XPNPEP3: variants seen among roughly 807,000 people sequenced by gnomAD.
The protein encoded by XPNPEP3 is xaa-Pro aminopeptidase 3.
In XPNPEP3, 41 loss-of-function variants were observed where a neutral mutation model predicts 60.0. The ratio of observed to expected loss-of-function variants is 0.68; its 90% CI spans 0.53 to 0.89. XPNPEP3 has a LOEUF of 0.89. Ranked by LOEUF, XPNPEP3 falls within the 40% of genes least tolerant of loss-of-function variation. XPNPEP3 has a pLI of 0.00. For synonymous variants in XPNPEP3, 212 were observed against 223.2 expected (o/e 0.95, Z 0.45); for missense variants, 598 against 638.9 (o/e 0.94, Z 0.69).
intron 4 of XPNPEP3, among the ~76,000 whole-genome samples, 179 bp from the exon 5 acceptor site, chr22:40,907,408 G>A (rs2058160473): frequency 2.0e-5 from 3 of 151,764 alleles, no homozygotes; most frequent in African/African-American, 4.8e-5. Context: ...GCAACAGAGC[G>A]AGACTCCGTC....
At chr22:40,874,915 C>T (rs984880258) in intron 2 of XPNPEP3, among the ~76,000 whole-genome samples, 1 of 152,190 alleles carries the variant, frequency 6.6e-6, no homozygotes, top group Non-Finnish European at 1.5e-5. Context: ...CCCAGTCACT[C>T]AGTCCTTAAA....
At chr22:40,897,129 G>A (rs1019149948) in intron 4 of XPNPEP3, among the ~76,000 whole-genome samples, 5 of 145,850 alleles carry the variant, frequency 3.4e-5, no homozygotes, top group African/African-American at 7.5e-5. Flanking sequence ...CCGGGTTCAC[G>A]CCATTCTCCT....
Position 40,928,837 on chromosome 22 carries a change from C to T in XPNPEP3, c.*2402C>T, listed in dbSNP as rs1463169141. On this transcript the variant is annotated 3_prime_UTR_variant, in exon 10 of 10. Transcript: ENST00000357137. ...CCCAGGGTACAGAGTGAAAAGCAGA[C>T]AGGCAGTGACTTCCTCAAGAGACAG... 1 of 152,218 alleles carries T rather than the reference C, an allele frequency of 6.6e-6. No homozygotes were observed. The highest frequency in any genetic ancestry group is 1.5e-5 in the Non-Finnish European group (1 of 68,046). 9.4% of individuals were successfully genotyped at this position (152,218 alleles called of 1,614,324 possible). A position where few individuals can be genotyped will look rare whatever the true frequency, so the allele number is the denominator to read the frequency against.
At chr22:40,900,319 A>AT (rs1240489451) in intron 4 of XPNPEP3, among the ~76,000 whole-genome samples, 3 of 151,914 alleles carry the variant, frequency 2.0e-5, no homozygotes, top group African/African-American at 7.2e-5. Context: ...AAAAAAAAAA[A>AT]AAAGGCCGGG....
rs1382131043 is a variant in XPNPEP3, at chr22:40,871,450, G to A, written c.181+2335G>A. 1.3e-5 allele frequency among the ~76,000 whole-genome samples: 2 copies of A among 152,150 alleles called. 1 individual carries two copies. Among genetic ancestry groups the A allele is most frequent in the South Asian group, 4.1e-4 (2 of 4,832 alleles). ...GTTTCTCCAAAAGGTTTCATGTTTT[G>A]CATATTTCTCTAATACATGGCAGTA... is the stretch of plus-strand genomic sequence containing the variant. On this transcript the variant is annotated intron_variant, in intron 2 of 9. Coordinates refer to ENST00000357137, the MANE Select transcript of XPNPEP3 (RefSeq NM_022098.4).
intron 1 of XPNPEP3, chr22:40,861,616 A>T: frequency 6.2e-7 from 1 of 1,613,190 alleles, no homozygotes; most frequent in African/African-American, 1.3e-5. Flanking sequence ...CTGTTTCCAT[A>T]GGAGCTTCCT....
chr22:40,857,357 C>G, intron 1 of XPNPEP3, 112 bp downstream of exon 1: 2 of 1,202,990 alleles, frequency 1.7e-6, no homozygotes, highest in Non-Finnish European at 2.4e-6. Flanking sequence ...CCTCCGCTCC[C>G]CAACCCTCTG....
intron 2 of XPNPEP3, among the ~76,000 whole-genome samples, chr22:40,880,681 G>C (rs2058043922): frequency 6.6e-6 from 1 of 151,548 alleles, no homozygotes; most frequent in African/African-American, 2.4e-5. Flanking sequence ...ATTAAGAGGG[G>C]GCCGGGCACG....
intron 8 of XPNPEP3, among the ~76,000 whole-genome samples, chr22:40,923,558 A>G (rs1189074020): frequency 1.3e-5 from 2 of 152,124 alleles, no homozygotes; most frequent in African/African-American, 4.8e-5. Context: ...AACTGACGGA[A>G]ATATCCAAGC....
At chr22:40,881,748 C>T (rs1442680753) in intron 2 of XPNPEP3, 22 bp from the exon 3 acceptor site, 2 of 1,613,638 alleles carry the variant, frequency 1.2e-6, no homozygotes, top group East Asian at 2.2e-5. Flanking sequence ...TGTAAAGCAT[C>T]CCTTTTATTT....
intron 6 of XPNPEP3, 95 bp from the exon 7 acceptor site, chr22:40,914,144 G>GAAAAAA: frequency 2.4e-6 from 2 of 832,568 alleles, no homozygotes; most frequent in East Asian, 3.0e-5. Flanking sequence ...CTCCGTCTCA[G>GAAAAAA]AAAAAAAAAA....
rs571207759 is a variant in XPNPEP3 at position 40,857,959 on chromosome 22, C to T, written c.64+714C>T. On this transcript the variant is annotated intron_variant, in intron 1 of 9. Transcript: ENST00000357137. ...ATGTTTATGTTGATATACTTGAATT[C>T]ATTTAAAATGGAATGTTAATTACAT... 2.0e-5 allele frequency among the ~76,000 whole-genome samples: 3 copies of T among 152,266 alleles called. No homozygotes were observed. In the South Asian group the frequency reaches 6.2e-4, roughly 32 times the overall value.
chr22:40,916,428 T>C (rs1484045649), intron 7 of XPNPEP3, among the ~76,000 whole-genome samples: 1 of 151,846 alleles, frequency 6.6e-6, no homozygotes, highest in African/African-American at 2.4e-5. Flanking sequence ...CAATGAGAAA[T>C]AGAAACAAAA....
rs574800533 is a variant in XPNPEP3, at chr22:40,895,127, A to G, written c.792+8612A>G. Among the ~76,000 whole-genome samples the G allele has an allele frequency of 8.5e-5, 13 of 152,276 alleles. No homozygotes were observed. In the East Asian group the frequency reaches 2.3e-3, roughly 27 times the overall value. On this transcript the variant is annotated intron_variant, in intron 4 of 9. Transcript: ENST00000357137. ...GAACAGTCATCTGTGAACCAGTCCAATTGCCTGGCATCCATGGGCAAATAA... is the reference window on the plus strand; with the variant it reads ...GAACAGTCATCTGTGAACCAGTCCAGTTGCCTGGCATCCATGGGCAAATAA...
chr22:40,867,490 C>G lies in XPNPEP3; in HGVS notation c.65-1509C>G, dbSNP rs538790996. 2.0e-5 allele frequency among the ~76,000 whole-genome samples: 3 copies of G among 152,170 alleles called. No homozygotes were observed. The South Asian group carries it at 6.2e-4, about 32-fold the overall frequency. ...AGAAGATTGTTTAGAAAAATCATAG[C>G]TTCTTCTAAAAAGATTTAAAAAAAA... On this transcript the variant is annotated intron_variant, in intron 1 of 9. Coordinates refer to ENST00000357137, the MANE Select transcript of XPNPEP3 (RefSeq NM_022098.4).
intron 4 of XPNPEP3, among the ~76,000 whole-genome samples, chr22:40,886,840 AAAAC>A (rs2058071271): frequency 6.6e-6 from 1 of 151,686 alleles, no homozygotes; most frequent in Admixed American, 6.6e-5. Context: ...AAAAAAAAAA[AAAAC>A]AAGAAAAAAA....
chr22:40,894,990 T>C (rs1459621942), intron 4 of XPNPEP3, among the ~76,000 whole-genome samples: 1 of 152,230 alleles, frequency 6.6e-6, no homozygotes, highest in Non-Finnish European at 1.5e-5. Context: ...ACTATGATTA[T>C]AGCCTATAAT....
At chr22:40,898,225 A>C (rs1191009439) in intron 4 of XPNPEP3, among the ~76,000 whole-genome samples, 7 of 28,768 alleles carry the variant, frequency 2.4e-4, no homozygotes, top group Non-Finnish European at 4.3e-4. Flanking sequence ...TCTTTGACCC[A>C]TTTTTTTTTT....
intron 4 of XPNPEP3, chr22:40,907,223 CA>C: frequency 2.2e-6 from 1 of 457,808 alleles, no homozygotes; most frequent in Non-Finnish European, 4.4e-6. Flanking sequence ...AGATCGAGAC[CA>C]TCCTGGCTAA....
Sources: gnomAD v4.1 joint callset for allele counts (sites outside exome capture counted in the v4.1 genomes callset) on GRCh38, gnomAD v4.1.1 for gene constraint, MANE v1.5 for transcripts, NCBI Gene and HGNC (gene_info 2026-07-23, HGNC 2026-07-21) for gene names.